LAMA4: variants seen among roughly 807,000 people sequenced by gnomAD.
LAMA4 encodes the protein laminin subunit alpha 4, also known as laminin subunit alpha-4.
Under a neutral mutation model 207.1 loss-of-function variants are expected in LAMA4, and 127 were observed. That is an observed-to-expected ratio of 0.61 (90% CI 0.53 to 0.71). The LOEUF (loss-of-function observed/expected upper bound fraction) is 0.71, where lower values mean the gene tolerates loss of function less well. Among genes scored for constraint, LAMA4 ranks in the 30% least tolerant of loss-of-function variants. LAMA4 has a pLI of 0.00. For missense variants in LAMA4, 2,093 were observed against 2,246.5 expected, an observed-to-expected ratio of 0.93 and a Z score of 1.38; for synonymous variants, 761 against 816.0, an observed-to-expected ratio of 0.93 and a Z score of 1.15.
At chr6:112,245,597 T>C (rs1554188503) in intron 2 of LAMA4, among the ~76,000 whole-genome samples, 1 of 152,184 alleles carries the variant, frequency 6.6e-6, no homozygotes. Flanking sequence ...TAAATATTAA[T>C]ATGCAAAGTC....
At chr6:112,251,356 C>G (rs1439269699) in intron 2 of LAMA4, 2 of 152,242 alleles carry the variant, frequency 1.3e-5, no homozygotes, top group Non-Finnish European at 2.9e-5. Context: ...GGAGAGTCCA[C>G]AAGCTGGGCT....
In LAMA4 at chr6:112,193,726, C is replaced by A. The variant is rs546340296; in HGVS notation, c.504-1876G>T. Among the ~76,000 whole-genome samples, 50 of 152,270 alleles carry A rather than the reference C, an allele frequency of 3.3e-4. No individual in the cohort carries two copies. The South Asian group carries it at 0.01, about 32-fold the overall frequency. The stretch of plus-strand genomic sequence containing the variant: ...ATTCTGGGAGGCTACTTCAGTTTTC[C>A]AGGGTCACATAGCTGGAAAGTCACA... On this transcript the variant is annotated intron_variant, in intron 5 of 38. Transcript: ENST00000230538.
At chr6:112,219,973 A>G (rs1784834329) in intron 2 of LAMA4, among the ~76,000 whole-genome samples, 1 of 152,108 alleles carries the variant, frequency 6.6e-6, no homozygotes, top group Non-Finnish European at 1.5e-5. Flanking sequence ...TGAACCAAAC[A>G]TTTCTTGTTG....
rs781838464 is a variant in LAMA4, at chr6:112,187,542, C to T, written c.874G>A (p.Glu292Lys). Reference sequence around the variant, plus strand: ...CTCAGCACCCCGGATTTGCCTTCCTCGATGGAGAGCGCTGCTAACCGCAGG... The same window carrying T: ...CTCAGCACCCCGGATTTGCCTTCCTTGATGGAGAGCGCTGCTAACCGCAGG... ...DDLRLAALSIEEGKSGVLSVS... is the reference protein window; with the variant it reads ...DDLRLAALSIKEGKSGVLSVS... The change falls in exon 8 of 39, where the codon GAG (glutamate) becomes AAG (lysine). Residue 292 changes from glutamate to lysine, a missense_variant. Physicochemically the swap from Glu to Lys is moderately conservative, Grantham distance 56. Transcript: ENST00000230538. 1.6e-5 allele frequency: 26 copies of T among 1,613,978 alleles called. No homozygotes were observed. The highest frequency in any genetic ancestry group is 8.9e-5 in the East Asian group (4 of 44,870).
At chr6:112,175,265 A>G (rs782098114) in intron 11 of LAMA4, 48 bp downstream of exon 11, 2 of 1,595,370 alleles carry the variant, frequency 1.3e-6, no homozygotes, top group South Asian at 1.1e-5. Flanking sequence ...TTGGACCCAC[A>G]AAGAGGGCAA....
At chr6:112,177,019 G>A (rs1415767528) in intron 10 of LAMA4, among the ~76,000 whole-genome samples, 1 of 152,142 alleles carries the variant, frequency 6.6e-6, no homozygotes, top group Non-Finnish European at 1.5e-5. Context: ...GGCATTTGCT[G>A]CCTAAAGAGG....
At chr6:112,170,414 A>G (rs1443436304) in intron 12 of LAMA4, among the ~76,000 whole-genome samples, 1 of 152,182 alleles carries the variant, frequency 6.6e-6, no homozygotes, top group Non-Finnish European at 1.5e-5. Context: ...GAATTGTTGC[A>G]TGAGGTTGCA....
chr6:112,161,200 C>A (rs1278530469), intron 13 of LAMA4, among the ~76,000 whole-genome samples: 1 of 152,220 alleles, frequency 6.6e-6, no homozygotes, highest in Non-Finnish European at 1.5e-5. Context: ...CATCCCTAAC[C>A]TCCTCAGGAT....
intron 30 of LAMA4, 64 bp downstream of exon 30, chr6:112,129,812 T>C: frequency 7.9e-7 from 1 of 1,268,568 alleles, no homozygotes; most frequent in Non-Finnish European, 1.1e-6. Context: ...GTTTTAATAT[T>C]TTTGCTGTTG....
chr6:112,178,030 C>A, intron 10 of LAMA4, 91 bp downstream of exon 10: 4 of 925,212 alleles, frequency 4.3e-6, no homozygotes, highest in Non-Finnish European at 5.4e-6. Flanking sequence ...TGGCACACAG[C>A]AAACACTTAA....
At chr6:112,192,957 G>C (rs527697115) in intron 5 of LAMA4, among the ~76,000 whole-genome samples, 2 of 152,302 alleles carry the variant, frequency 1.3e-5, no homozygotes, top group South Asian at 4.1e-4. Flanking sequence ...ATGTTTATGT[G>C]AAATTGCAAT....
intron 2 of LAMA4, among the ~76,000 whole-genome samples, chr6:112,235,400 G>A (rs1295806925): frequency 6.6e-6 from 1 of 152,168 alleles, no homozygotes; most frequent in Non-Finnish European, 1.5e-5. Flanking sequence ...TAAAAATGGA[G>A]CTGCTGAAAC....
intron 2 of LAMA4, among the ~76,000 whole-genome samples, chr6:112,244,662 T>C (rs1156379197): frequency 6.6e-6 from 1 of 152,230 alleles, no homozygotes; most frequent in African/African-American, 2.4e-5. Flanking sequence ...CGTGTACTAC[T>C]GCTAATGGGC....
In LAMA4 at chr6:112,187,614, C is replaced by A; in HGVS notation, c.815-13G>T. ...CACTTATCACAGCCTGGAGGTGAAA[C>A]ATTTCTTCAGAATCACAAGTCAAAA... is the stretch of plus-strand genomic sequence containing the variant. On this transcript the variant is annotated splice_polypyrimidine_tract_variant and intron_variant, in intron 7 of 38. Transcript: ENST00000230538. 1 of 1,613,026 alleles carries A rather than the reference C, an allele frequency of 6.2e-7. No homozygotes were observed. The highest frequency in any genetic ancestry group is 8.5e-7 in the Non-Finnish European group (1 of 1,179,562).
intron 32 of LAMA4, among the ~76,000 whole-genome samples, chr6:112,120,894 G>A (rs1458198429): frequency 1.3e-5 from 2 of 151,898 alleles, no homozygotes; most frequent in Admixed American, 1.3e-4. Flanking sequence ...CAACATAGTG[G>A]AACCCCGTCT....
chr6:112,253,971 C>T lies in LAMA4; in HGVS notation c.180G>A (p.Leu60=). The T allele has an allele frequency of 6.3e-7, 1 of 1,588,944 alleles. No individual in the cohort carries two copies. Among genetic ancestry groups the T allele is most frequent in the Non-Finnish European group, 8.6e-7 (1 of 1,167,096 alleles). Residue 60 remains leucine, a synonymous_variant, in exon 2 of 39, where the codon CTG becomes CTA. Coordinates refer to ENST00000230538, the MANE Select transcript of LAMA4 (RefSeq NM_001105206.3). ...GACACTGTACCTCGGCCGCAGGCGG[C>T]AGGCGTCCCAGAGCCACGCGGGGTT... ...TSEPRVALGR[L]PPAAEKCNAG...
chr6:112,136,140 C>T lies in LAMA4; in HGVS notation c.3397G>A (p.Asp1133Asn), dbSNP rs1779327188. 6.2e-7 allele frequency: 1 copy of T among 1,612,846 alleles called. No homozygotes were observed. Among genetic ancestry groups the T allele is most frequent in the Admixed American group, 1.7e-5 (1 of 59,974 alleles). ...EDTLKKAQIN[D>N]AKYHEISIIY... ...ATTTGTACCTCATGGTATTTTGCAT[C>T]ATTAATTTGAGCTTTCTTTAACGTA... The change falls in exon 25 of 39, where the codon GAT (aspartate) becomes AAT (asparagine). Residue 1133 changes from aspartate to asparagine, a missense_variant. Coordinates refer to ENST00000230538, the MANE Select transcript of LAMA4 (RefSeq NM_001105206.3).
At chr6:112,175,040 A>G (rs1781940617) in intron 11 of LAMA4, among the ~76,000 whole-genome samples, 1 of 152,076 alleles carries the variant, frequency 6.6e-6, no homozygotes, top group South Asian at 2.1e-4. Context: ...TCTTCCTTCT[A>G]CTGTTTTATA....
intron 16 of LAMA4, among the ~76,000 whole-genome samples, chr6:112,151,540 T>C (rs533084981): frequency 1.3e-5 from 2 of 152,278 alleles, no homozygotes; most frequent in East Asian, 3.9e-4. Flanking sequence ...TATATATAAA[T>C]TCTTGTTTAG....
Sources: allele counts gnomAD v4.1 joint callset (sites outside exome capture counted in the v4.1 genomes callset), GRCh38; gene constraint gnomAD v4.1.1; transcripts MANE v1.5; gene names NCBI Gene and HGNC (gene_info 2026-07-23, HGNC 2026-07-21).